CELF2: variants seen among roughly 807,000 people sequenced by gnomAD.
CELF2 encodes CUGBP Elav-like family member 2.
Under a neutral mutation model 62.6 loss-of-function variants are expected in CELF2, and 8 were observed. The observed-to-expected ratio is 0.13, with a 90% CI of 0.07 to 0.23. CELF2 has a LOEUF of 0.23. CELF2 is among the 10% of genes least tolerant of loss of function. CELF2 has a pLI of 1.00. For missense variants in CELF2, 333 were observed against 671.0 expected, an observed-to-expected ratio of 0.50 and a Z score of 5.56; for synonymous variants, 258 against 250.0, an observed-to-expected ratio of 1.03 and a Z score of -0.30.
chr10:10,509,385 A>G, the CELF2 span, among the ~76,000 whole-genome samples: 1 of 152,150 alleles, frequency 6.6e-6, no homozygotes, highest in South Asian at 2.1e-4. Context: ...AGGGTCATAA[A>G]GGTGGGGCCC....
At chr10:11,063,661 C>A (rs1310534866) in intron 1 of CELF2, among the ~76,000 whole-genome samples, 2 of 152,154 alleles carry the variant, frequency 1.3e-5, no homozygotes, top group Non-Finnish European at 2.9e-5. Flanking sequence ...TGGCAGCTGT[C>A]TTTAAATAAA....
intron 2 of CELF2, among the ~76,000 whole-genome samples, chr10:11,212,273 CCTT>C (rs2062039395): frequency 1.3e-5 from 2 of 152,166 alleles, no homozygotes; most frequent in Non-Finnish European, 2.9e-5. Flanking sequence ...ATACCTGTCT[CCTT>C]CTCTCAGTGT....
In CELF2 at chr10:10,801,002, G is replaced by A. The variant is rs144450085; in HGVS notation, c.53+2185G>A. 1.9e-3 allele frequency among the ~76,000 whole-genome samples: 286 copies of A among 152,014 alleles called. 1 individual carries two copies. Among genetic ancestry groups the A allele is most frequent in the South Asian group, 0.013 (63 of 4,812 alleles). On this transcript the variant is annotated intron_variant, in intron 1 of 13. Coordinates refer to the CELF2 transcript ENST00000636488. ...TAGCTCTAAGAATGTATATGACTACGGTTATAGATTTTGAAACATGTATCG... is the reference window on the plus strand; with the variant it reads ...TAGCTCTAAGAATGTATATGACTACAGTTATAGATTTTGAAACATGTATCG...
At chr10:10,736,396 C>CTTTTTTTTTT in the CELF2 span, among the ~76,000 whole-genome samples, 1 of 76,016 alleles carries the variant, frequency 1.3e-5, no homozygotes, top group African/African-American at 5.0e-5. Context: ...TTCTTTCTTT[C>CTTTTTTTTTT]TTTTTTTTTT....
At position 11,157,713 on chromosome 10, in the gene CELF2, G is replaced by A. The variant is rs1163252691; in HGVS notation, c.75-7773G>A. ...ACTGAGAATGAGAAGGAAAGAAAAG[G>A]ACTCAGGGTAAACCTCAGTTTTGTT... is the stretch of plus-strand genomic sequence containing the variant. On this transcript the variant is annotated intron_variant, in intron 1 of 12. Transcript: ENST00000633077. This position sits in a 1 kb window ranked among gnomAD's most constrained non-coding sequence, Gnocchi z 4.9. Among the ~76,000 whole-genome samples, 1 of 152,176 alleles carries A rather than the reference G, an allele frequency of 6.6e-6. No homozygotes were observed. The highest frequency in any genetic ancestry group is 1.5e-5 in the Non-Finnish European group (1 of 68,034).
chr10:11,314,688 C>A lies in CELF2; in HGVS notation c.1096+430C>A. ...AAGTCAGGCAGATGCTGCTCCCTCTCTGGGCTTGGGAGTCTCCATTTGAGA... is the reference window on the plus strand; with the variant it reads ...AAGTCAGGCAGATGCTGCTCCCTCTATGGGCTTGGGAGTCTCCATTTGAGA... On this transcript the variant is annotated intron_variant, in intron 10 of 12. Transcript: ENST00000633077. The surrounding 1 kb of genome is among the most constrained non-coding windows in gnomAD (Gnocchi z 5.3). The A allele has an allele frequency of 3.4e-6, 1 of 296,262 alleles. No homozygotes were observed. Among genetic ancestry groups the A allele is most frequent in the Non-Finnish European group, 6.6e-6 (1 of 151,166 alleles). 18.4% of individuals were successfully genotyped at this position (296,262 alleles called of 1,614,324 possible).
rs187363042 is a variant in CELF2 at position 11,057,924 on chromosome 10, T to C, written c.74+39761T>C. Among the ~76,000 whole-genome samples the C allele has an allele frequency of 1.1e-3, 173 of 152,338 alleles. 1 individual carries two copies. Among genetic ancestry groups the C allele is most frequent in the African/African-American group, 3.7e-3 (152 of 41,578 alleles). The stretch of plus-strand genomic sequence containing the variant: ...CAAGAGAAGTTCTACTTTCTACTGT[T>C]AGCAAGACATGTTAAATGGAAGCTT... On this transcript the variant is annotated intron_variant, in intron 1 of 12. Transcript: ENST00000633077.
the CELF2 span, among the ~76,000 whole-genome samples, chr10:10,521,046 A>G: frequency 9.2e-5 from 14 of 152,304 alleles, no homozygotes; most frequent in South Asian, 2.3e-3. Context: ...GAAGGAGTGG[A>G]AAGATTTCAG....
intron 1 of CELF2, among the ~76,000 whole-genome samples, chr10:10,829,530 A>G (rs920727609): frequency 6.6e-6 from 1 of 152,182 alleles, no homozygotes; most frequent in Admixed American, 6.5e-5. Flanking sequence ...GATCAATTCA[A>G]TCAATTTGTG....
In CELF2 at chr10:11,285,019, A is replaced by C. The variant is rs1341664547; in HGVS notation, c.842-3399A>C. 1.4e-5 allele frequency among the ~76,000 whole-genome samples: 2 copies of C among 145,568 alleles called. No individual in the cohort carries two copies. The highest frequency in any genetic ancestry group is 3.0e-5 in the Non-Finnish European group (2 of 66,574). On this transcript the variant is annotated intron_variant, in intron 8 of 12. Transcript: ENST00000633077. This position sits in a 1 kb window ranked among gnomAD's most constrained non-coding sequence, Gnocchi z 4.3. ...GTGTGGATGACGGATGGGTGGGAGG[A>C]TAGTGGATCTGTGGATGGATAATTA...
chr10:10,479,805 A>G, the CELF2 span, among the ~76,000 whole-genome samples: 2 of 152,206 alleles, frequency 1.3e-5, no homozygotes, highest in Admixed American at 1.3e-4. Flanking sequence ...AAATTGCATA[A>G]CGTTTGCAAT....
At chr10:10,873,569 A>G (rs1222646804) in intron 1 of CELF2, among the ~76,000 whole-genome samples, 2 of 152,216 alleles carry the variant, frequency 1.3e-5, no homozygotes, top group African/African-American at 4.8e-5. Flanking sequence ...CAGTGCCCCA[A>G]GCGTATTGTT....
rs906906551 is a variant in CELF2 at position 10,972,287 on chromosome 10, G to T, written c.89+52288G>T. Among the ~76,000 whole-genome samples the T allele has an allele frequency of 6.6e-5, 10 of 152,152 alleles. No individual in the cohort carries two copies. The highest frequency in any genetic ancestry group is 1.3e-4 in the Admixed American group (2 of 15,274). On this transcript the variant is annotated intron_variant, in intron 2 of 13. Transcript: ENST00000636488. The surrounding 1 kb of genome is among the most constrained non-coding windows in gnomAD (Gnocchi z 4.4). ...AAAATGAAGAGTTCTGTGGTTAAAT[G>T]ATTTTAGGAAGCTCTACATATCATC...
the CELF2 span, among the ~76,000 whole-genome samples, chr10:10,785,531 C>T: frequency 6.6e-6 from 1 of 152,028 alleles, no homozygotes; most frequent in Non-Finnish European, 1.5e-5. Context: ...ACAGGAAATA[C>T]TATTTAACCT....
At chr10:10,974,400 A>G (rs1425049483) in intron 2 of CELF2, among the ~76,000 whole-genome samples, 1 of 152,196 alleles carries the variant, frequency 6.6e-6, no homozygotes, top group African/African-American at 2.4e-5. Context: ...TAGAAACAGT[A>G]AGCCTGAAAT....
chr10:10,548,372 C>T, the CELF2 span, among the ~76,000 whole-genome samples: 77 of 152,300 alleles, frequency 5.1e-4, no homozygotes, highest in Admixed American at 1.4e-3. Context: ...GCTCCCTAAA[C>T]GCAAAGATAA....
the CELF2 span, among the ~76,000 whole-genome samples, chr10:10,641,679 C>T: frequency 6.6e-6 from 1 of 152,072 alleles, no homozygotes; most frequent in African/African-American, 2.4e-5. Flanking sequence ...ACACTCCTGA[C>T]CTCAAGCAAT....
intron 1 of CELF2, chr10:11,102,282 G>A (rs962962905): frequency 3.3e-5 from 5 of 152,194 alleles, no homozygotes; most frequent in African/African-American, 1.2e-4. Context: ...CAAGATACTT[G>A]CCCGACTGTG....
In CELF2 at chr10:11,321,450, C is replaced by T. The variant is rs762848606; in HGVS notation, c.1294+64C>T. The T allele has an allele frequency of 1.6e-5, 21 of 1,324,152 alleles. No homozygotes were observed. Among genetic ancestry groups the T allele is most frequent in the East Asian group, 1.2e-4 (5 of 42,312 alleles). 82.0% of individuals were successfully genotyped at this position (1,324,152 alleles called of 1,614,324 possible). Reference sequence around the variant, plus strand: ...ACAGGCAGCACTGGCCTCTAGAGCACGGTTAGAAGGTATCAAATTGAACTG... The same window carrying T: ...ACAGGCAGCACTGGCCTCTAGAGCATGGTTAGAAGGTATCAAATTGAACTG... On this transcript the variant is annotated intron_variant, in intron 11 of 12. Transcript: ENST00000633077. This position sits in a 1 kb window ranked among gnomAD's most constrained non-coding sequence, Gnocchi z 6.2.
Sources: allele counts gnomAD v4.1 joint callset (sites outside exome capture counted in the v4.1 genomes callset), GRCh38; gene constraint gnomAD v4.1.1; non-coding constraint Gnocchi (gnomAD v3.1); transcripts MANE v1.5; gene names NCBI Gene and HGNC (gene_info 2026-07-23, HGNC 2026-07-21).